The following KCNC2 variants were observed in gnomAD, a reference collection of about 807,000 sequenced individuals.
The protein encoded by KCNC2 is voltage-gated potassium channel KCNC2.
Under a neutral mutation model 44.5 loss-of-function variants are expected in KCNC2, and 21 were observed. The ratio of observed to expected loss-of-function variants is 0.47; its 90% CI spans 0.33 to 0.68. The LOEUF (loss-of-function observed/expected upper bound fraction) is 0.68, where lower values mean the gene tolerates loss of function less well. Ranked by LOEUF, KCNC2 falls within the 30% of genes least tolerant of loss-of-function variation. The pLI, the probability that KCNC2 is intolerant of heterozygous loss-of-function variation, is 0.01. For missense variants in KCNC2, 589 were observed against 826.2 expected (o/e 0.71, Z 3.52); for synonymous variants, 391 against 339.1 (o/e 1.15, Z -1.68).
chr12:75,101,981 G>T (rs1211593710), intron 2 of KCNC2, among the ~76,000 whole-genome samples: 2 of 152,026 alleles, frequency 1.3e-5, no homozygotes, highest in South Asian at 2.1e-4. Flanking sequence ...AATAATAATA[G>T]TATGTCTCGG....
At chr12:75,108,109 A>G (rs1886934799) in intron 2 of KCNC2, among the ~76,000 whole-genome samples, 2 of 152,166 alleles carry the variant, frequency 1.3e-5, no homozygotes, top group Non-Finnish European at 2.9e-5. Context: ...TAAACATCAA[A>G]CAGATATTTG....
chr12:75,205,924 G>A (rs925558994), intron 2 of KCNC2, among the ~76,000 whole-genome samples: 2 of 139,602 alleles, frequency 1.4e-5, no homozygotes, highest in East Asian at 2.3e-4. Context: ...TTTCCAAGTT[G>A]AAGCTACTAA....
chr12:75,202,662 C>A (rs2031379393), intron 2 of KCNC2, among the ~76,000 whole-genome samples: 1 of 151,578 alleles, frequency 6.6e-6, no homozygotes, highest in Non-Finnish European at 1.5e-5. Context: ...GCCTGTAAGT[C>A]ATTGTGAAAA....
intron 2 of KCNC2, among the ~76,000 whole-genome samples, chr12:75,187,125 A>G (rs1360357342): frequency 6.6e-6 from 1 of 152,246 alleles, no homozygotes; most frequent in Non-Finnish European, 1.5e-5. Context: ...GAAAACTGAC[A>G]AATTTGGAAG....
At chr12:75,116,257 G>A (rs1196049094) in intron 2 of KCNC2, among the ~76,000 whole-genome samples, 2 of 152,126 alleles carry the variant, frequency 1.3e-5, no homozygotes, top group East Asian at 1.9e-4. Flanking sequence ...AGGAGGGTCC[G>A]AAGGGAACCA....
intron 2 of KCNC2, among the ~76,000 whole-genome samples, chr12:75,053,550 T>C (rs527909342): frequency 6.6e-6 from 1 of 152,124 alleles, no homozygotes; most frequent in South Asian, 2.1e-4. Context: ...GGCACTTGTA[T>C]TTATCAATAT....
intron 2 of KCNC2, among the ~76,000 whole-genome samples, chr12:75,114,310 C>T (rs955315492): frequency 1.3e-5 from 2 of 152,162 alleles, no homozygotes; most frequent in South Asian, 2.1e-4. Flanking sequence ...CTAGGTTGGA[C>T]GCTTCCTTCA....
chr12:75,058,102 T>A (rs1230795876), intron 2 of KCNC2, among the ~76,000 whole-genome samples: 1 of 152,030 alleles, frequency 6.6e-6, no homozygotes, highest in East Asian at 1.9e-4. Context: ...AGTCATCAAT[T>A]ATGAACATAT....
chr12:75,074,064 A>C (rs878966366), intron 2 of KCNC2, among the ~76,000 whole-genome samples: 1 of 152,140 alleles, frequency 6.6e-6, no homozygotes, highest in Admixed American at 6.6e-5. Context: ...TCATAAAAAG[A>C]ATAATAAATA....
At position 75,069,246 on chromosome 12, in the gene KCNC2, T is replaced by G. The variant is rs566666385; in HGVS notation, c.688-17929A>C. On this transcript the variant is annotated intron_variant, in intron 2 of 4. Coordinates refer to ENST00000549446, the MANE Select transcript of KCNC2 (RefSeq NM_139137.4). The stretch of plus-strand genomic sequence containing the variant: ...ACCTCCAAGGTTCAAGCGATTCTCC[T>G]GCCTCAGCTTCCCAAGTAGCTGGGA... Among the ~76,000 whole-genome samples the G allele has an allele frequency of 4.4e-3, 628 of 143,918 alleles. 3 individuals carry two copies. The highest frequency in any genetic ancestry group is 6.9e-3 in the Non-Finnish European group (457 of 66,508). The allele number at this position is 143,918 out of a possible 152,430, so 94.4% of individuals were successfully genotyped here.
rs375164505 is a variant in KCNC2 at position 75,173,034 on chromosome 12, C to T, written c.687+34263G>A. 2.8e-4 allele frequency among the ~76,000 whole-genome samples: 43 copies of T among 152,012 alleles called. No homozygotes were observed. The East Asian group carries it at 3.1e-3, about 11-fold the overall frequency. Reference sequence around the variant, plus strand: ...CATTTTATGATCAAACTCAAATACTCTATAATTACTATTATATACCCTCAT... The same window carrying T: ...CATTTTATGATCAAACTCAAATACTTTATAATTACTATTATATACCCTCAT... On this transcript the variant is annotated intron_variant, in intron 2 of 4. Transcript: ENST00000549446.
intron 2 of KCNC2, among the ~76,000 whole-genome samples, chr12:75,203,147 A>G (rs1425907559): frequency 6.6e-6 from 1 of 151,842 alleles, no homozygotes; most frequent in East Asian, 1.9e-4. Flanking sequence ...TAATCTTAAT[A>G]TATGATTCAA....
chr12:75,052,149 T>A (rs1342676779), intron 2 of KCNC2, among the ~76,000 whole-genome samples: 1 of 152,102 alleles, frequency 6.6e-6, no homozygotes, highest in Non-Finnish European at 1.5e-5. Flanking sequence ...AGTAGTACCA[T>A]ATACTGTTGA....
chr12:75,181,892 A>AACATTATT (rs1327280363), intron 2 of KCNC2, among the ~76,000 whole-genome samples: 2 of 144,906 alleles, frequency 1.4e-5, no homozygotes, highest in African/African-American at 2.5e-5. Flanking sequence ...CTACTAGGGA[A>AACATTATT]ACATTATTAC....
At chr12:75,044,272 A>G (rs1880233904) in intron 4 of KCNC2, among the ~76,000 whole-genome samples, 1 of 152,010 alleles carries the variant, frequency 6.6e-6, no homozygotes, top group Non-Finnish European at 1.5e-5. Flanking sequence ...ATATTCTGAC[A>G]GCTTCTTGAA....
chr12:75,200,206 T>C (rs530335952), intron 2 of KCNC2, among the ~76,000 whole-genome samples: 2 of 151,968 alleles, frequency 1.3e-5, no homozygotes, highest in East Asian at 3.9e-4. Flanking sequence ...TTAAACACAG[T>C]ATAAACTAAG....
At chr12:75,088,065 A>G (rs1885173226) in intron 2 of KCNC2, among the ~76,000 whole-genome samples, 1 of 151,970 alleles carries the variant, frequency 6.6e-6, no homozygotes, top group Admixed American at 6.6e-5. Flanking sequence ...GAGCTGGTCT[A>G]TGAAACTCAT....
chr12:75,102,683 T>G (rs11613919), intron 2 of KCNC2, among the ~76,000 whole-genome samples: 23,681 of 152,012 alleles, frequency 0.16, 2,219 homozygotes, highest in Admixed American at 0.25. Context: ...TCATTTATGT[T>G]TTTTATTATC....
chr12:75,122,209 G>C (rs917679559), intron 2 of KCNC2, among the ~76,000 whole-genome samples: 3 of 152,194 alleles, frequency 2.0e-5, no homozygotes, highest in Non-Finnish European at 4.4e-5. Context: ...ATTTGTTTGT[G>C]TTGGGGAGAA....
Sources: gnomAD v4.1 joint callset for allele counts (sites outside exome capture counted in the v4.1 genomes callset) on GRCh38, gnomAD v4.1.1 for gene constraint, MANE v1.5 for transcripts, NCBI Gene and HGNC (gene_info 2026-07-23, HGNC 2026-07-21) for gene names.